Variants in FOXP1 observed in about 807,000 individuals in gnomAD.
FOXP1 encodes forkhead box P1.
Under a neutral mutation model 98.2 loss-of-function variants are expected in FOXP1, and 15 were observed. The observed-to-expected ratio is 0.15, with a 90% CI of 0.10 to 0.24. The LOEUF is 0.24. Among genes scored for constraint, FOXP1 ranks in the 10% least tolerant of loss-of-function variants. The pLI is 1.00. For missense variants in FOXP1, 633 were observed against 848.5 expected, an observed-to-expected ratio of 0.75 and a Z score of 3.15; for synonymous variants, 371 against 314.5, an observed-to-expected ratio of 1.18 and a Z score of -1.90.
chr3:71,052,897 C>T (rs1378315952), intron 8 of FOXP1, among the ~76,000 whole-genome samples: 4 of 152,194 alleles, frequency 2.6e-5, no homozygotes, highest in Admixed American at 2.6e-4. Flanking sequence ...TTTGATTGTA[C>T]AACAAAGCTG....
At chr3:71,138,859 C>G (rs773274109) in intron 6 of FOXP1, among the ~76,000 whole-genome samples, 1 of 151,926 alleles carries the variant, frequency 6.6e-6, no homozygotes, top group African/African-American at 2.4e-5. Context: ...ATCCTTCAAC[C>G]AAGTCAAATT....
chr3:71,082,612 C>G (rs1168519462), intron 7 of FOXP1, among the ~76,000 whole-genome samples: 1 of 122,930 alleles, frequency 8.1e-6, no homozygotes, highest in Non-Finnish European at 1.7e-5. Flanking sequence ...TAACCCAGAA[C>G]TTAAAGTATA....
intron 3 of FOXP1, among the ~76,000 whole-genome samples, chr3:71,401,161 T>C (rs1350963938): frequency 6.6e-6 from 1 of 152,226 alleles, no homozygotes; most frequent in African/African-American, 2.4e-5. Context: ...GAAACTGTAC[T>C]TACATCAACA....
chr3:71,501,289 TTTTC>T (rs2041326331), intron 2 of FOXP1, among the ~76,000 whole-genome samples: 1 of 141,688 alleles, frequency 7.1e-6, no homozygotes, highest in Non-Finnish European at 1.6e-5. Context: ...TCTGAAATGC[TTTTC>T]TTTTTTTTTT....
chr3:71,302,454 T>C (rs993678199), intron 4 of FOXP1, among the ~76,000 whole-genome samples: 1 of 150,618 alleles, frequency 6.6e-6, no homozygotes, highest in African/African-American at 2.4e-5. Flanking sequence ...TTTACCTGTA[T>C]GCTTACTGGC....
At chr3:71,096,869 A>G (rs142448014) in intron 7 of FOXP1, among the ~76,000 whole-genome samples, 86 of 152,268 alleles carry the variant, frequency 5.6e-4, no homozygotes, top group African/African-American at 2.0e-3. Context: ...GAATCTCAAA[A>G]TACCCAAAAA....
intron 4 of FOXP1, among the ~76,000 whole-genome samples, chr3:71,327,089 T>C (rs1334241551): frequency 6.6e-6 from 1 of 152,016 alleles, no homozygotes; most frequent in East Asian, 1.9e-4. Context: ...TTAACCACCA[T>C]GTTACACGGT....
At chr3:70,974,973 A>G (rs757149018) in intron 17 of FOXP1, among the ~76,000 whole-genome samples, 4 of 152,250 alleles carry the variant, frequency 2.6e-5, no homozygotes, top group Non-Finnish European at 4.4e-5. Flanking sequence ...GTTTTCAAAA[A>G]AAAGATGTGT....
intron 5 of FOXP1, among the ~76,000 whole-genome samples, chr3:71,285,770 A>G (rs2107456994): frequency 6.6e-6 from 1 of 152,306 alleles, no homozygotes; most frequent in South Asian, 2.1e-4. Flanking sequence ...ATGTAGTGGA[A>G]GAGGCTGGGA....
At chr3:71,174,827 C>CACACACACACACACACACA (rs1553767955) in intron 6 of FOXP1, among the ~76,000 whole-genome samples, 3 of 142,312 alleles carry the variant, frequency 2.1e-5, no homozygotes, top group Non-Finnish European at 4.5e-5. Flanking sequence ...CACACACACA[C>CACACACACACACACACACA]CCCAATATAC....
At chr3:71,363,874 C>A (rs1375862522) in intron 3 of FOXP1, among the ~76,000 whole-genome samples, 3 of 152,194 alleles carry the variant, frequency 2.0e-5, no homozygotes, top group African/African-American at 7.2e-5. Flanking sequence ...TGGCACCCTG[C>A]CTAATGACTG....
At chr3:71,144,334 C>T (rs1328562521) in intron 6 of FOXP1, among the ~76,000 whole-genome samples, 1 of 152,156 alleles carries the variant, frequency 6.6e-6, no homozygotes, top group Non-Finnish European at 1.5e-5. Context: ...CAGCTCTTCC[C>T]AAACCTACAA....
intron 18 of FOXP1, chr3:70,972,187 TAGGAGCAGCAGCAAAGGAGATG>T: frequency 6.6e-7 from 1 of 1,518,966 alleles, no homozygotes; most frequent in South Asian, 1.2e-5. Context: ...CACCCTGGGA[TAGGAGCAGCAGCAAAGGAGATG>T]GAGTGGCAAC....
At chr3:71,023,281 T>G (rs897865335) in intron 11 of FOXP1, among the ~76,000 whole-genome samples, 1 of 152,240 alleles carries the variant, frequency 6.6e-6, no homozygotes, top group East Asian at 1.9e-4. Context: ...CACAACTTTA[T>G]GTCAACCTAA....
At chr3:71,147,831 A>G (rs1207359840) in intron 6 of FOXP1, among the ~76,000 whole-genome samples, 1 of 152,202 alleles carries the variant, frequency 6.6e-6, no homozygotes, top group Non-Finnish European at 1.5e-5. Flanking sequence ...TCATCTCAGA[A>G]GTGGGAATGC....
chr3:71,154,061 T>G (rs1355472563), intron 6 of FOXP1, among the ~76,000 whole-genome samples: 1 of 151,592 alleles, frequency 6.6e-6, no homozygotes, highest in Non-Finnish European at 1.5e-5. Context: ...TGGAATTTTG[T>G]TTTTCCCCTT....
chr3:71,133,267 A>C (rs2059660427), intron 6 of FOXP1, among the ~76,000 whole-genome samples: 1 of 152,244 alleles, frequency 6.6e-6, no homozygotes, highest in African/African-American at 2.4e-5. Flanking sequence ...CATTAGTATA[A>C]TTAAATGACT....
intron 14 of FOXP1, among the ~76,000 whole-genome samples, chr3:70,985,074 A>C (rs755944720): frequency 6.6e-6 from 1 of 152,232 alleles, no homozygotes. Flanking sequence ...AGTGACTAAG[A>C]ATTTTAAAAT....
At chr3:71,512,058 T>C (rs1009081538) in intron 2 of FOXP1, among the ~76,000 whole-genome samples, 18 of 152,286 alleles carry the variant, frequency 1.2e-4, no homozygotes, top group Admixed American at 9.8e-4. Context: ...CCCATTTGGT[T>C]CCTCACAACA....
Sources: gnomAD v4.1 joint callset for allele counts (sites outside exome capture counted in the v4.1 genomes callset) on GRCh38, gnomAD v4.1.1 for gene constraint, MANE v1.5 for transcripts, NCBI Gene and HGNC (gene_info 2026-07-23, HGNC 2026-07-21) for gene names.